The following TAOK3 variants were observed in gnomAD, a reference collection of about 807,000 sequenced individuals.
The protein encoded by TAOK3 is serine/threonine-protein kinase TAO3.
TAOK3 carries 40 observed loss-of-function variants against 120.4 expected under a neutral mutation model. That is an observed-to-expected ratio of 0.33 (90% CI 0.26 to 0.43). The LOEUF is 0.43. Ranked by LOEUF, TAOK3 falls within the 20% of genes least tolerant of loss-of-function variation. The probability of loss-of-function intolerance (pLI) is 1.00; values close to 1 mark genes in which losing one functional copy is unlikely to be tolerated. For missense variants in TAOK3, 821 were observed against 1,112.1 expected (o/e 0.74, Z 3.72); for synonymous variants, 355 against 387.5 (o/e 0.92, Z 0.99).
At chr12:118,274,099 G>A (rs1408017354) in intron 1 of TAOK3, among the ~76,000 whole-genome samples, 1 of 151,150 alleles carries the variant, frequency 6.6e-6, no homozygotes, top group Non-Finnish European at 1.5e-5. Flanking sequence ...CTTCCCATAA[G>A]ACTTGAAGAG....
intron 20 of TAOK3, 131 bp from the exon 21 acceptor site, chr12:118,151,289 GCACA>G (rs773751889): frequency 0.045 from 11,209 of 247,518 alleles, 161 homozygotes; most frequent in East Asian, 0.15. Flanking sequence ...GCGCGCGCGC[GCACA>G]CACACACACA....
At position 118,315,890 on chromosome 12, in the gene TAOK3, A is replaced by G. The variant is rs566450502; in HGVS notation, c.-193-49131T>C. On this transcript the variant is annotated intron_variant, in intron 1 of 20. Coordinates refer to ENST00000392533, the MANE Select transcript of TAOK3 (RefSeq NM_016281.4). ...GAAAATTGAAACAGATAGTAAATAA[A>G]GGAGACTGTGAATTTTGGATCAGAT... Among the ~76,000 whole-genome samples the G allele has an allele frequency of 7.9e-5, 12 of 152,332 alleles. No individual in the cohort carries two copies. The East Asian group carries it at 2.3e-3, about 29-fold the overall frequency.
At chr12:118,324,437 A>C (rs1227927594) in intron 1 of TAOK3, among the ~76,000 whole-genome samples, 1 of 152,112 alleles carries the variant, frequency 6.6e-6, no homozygotes, top group Non-Finnish European at 1.5e-5. Context: ...GTTATTGTTG[A>C]CTGGAATCAC....
At chr12:118,223,412 T>C (rs1436151628) in intron 9 of TAOK3, among the ~76,000 whole-genome samples, 2 of 151,514 alleles carry the variant, frequency 1.3e-5, no homozygotes, top group Admixed American at 1.3e-4. Context: ...AATGGCGTGA[T>C]CTTGGCTCGC....
chr12:118,243,377 A>T (rs1434255156), intron 5 of TAOK3, 38 bp downstream of exon 5: 2 of 1,118,160 alleles, frequency 1.8e-6, no homozygotes, highest in Non-Finnish European at 2.6e-6. Context: ...AAAGAAAAAA[A>T]TGTAATAGTA....
chr12:118,281,180 C>T (rs896690667), intron 1 of TAOK3, among the ~76,000 whole-genome samples: 2 of 152,260 alleles, frequency 1.3e-5, no homozygotes, highest in Middle Eastern at 6.8e-3. Flanking sequence ...ATTTGGATAC[C>T]TTTTATTTCT....
chr12:118,177,584 G>A (rs542182313), intron 15 of TAOK3, among the ~76,000 whole-genome samples: 7 of 152,072 alleles, frequency 4.6e-5, no homozygotes, highest in Admixed American at 3.3e-4. Context: ...AGCACTTTGG[G>A]AGTTCGAGGC....
chr12:118,150,962 T>A lies in TAOK3; in HGVS notation c.*35A>T. ...CTGAATTTTTTTCTGTTTTCTTTTT[T>A]TTTTTTTTTTTTGTAAATGGCAAAA... is the stretch of plus-strand genomic sequence containing the variant. On this transcript the variant is annotated 3_prime_UTR_variant, in exon 21 of 21. Coordinates refer to ENST00000392533, the MANE Select transcript of TAOK3 (RefSeq NM_016281.4). 1 of 1,515,838 alleles carries A rather than the reference T, an allele frequency of 6.6e-7. No homozygotes were observed. 93.9% of individuals were successfully genotyped at this position (1,515,838 alleles called of 1,614,324 possible). A position where few individuals can be genotyped will look rare whatever the true frequency, so the allele number is the denominator to read the frequency against.
chr12:118,361,942 T>A (rs770752659), intron 1 of TAOK3, among the ~76,000 whole-genome samples: 1 of 152,012 alleles, frequency 6.6e-6, no homozygotes, highest in South Asian at 2.1e-4. Context: ...AACATGCTGG[T>A]GAGGCTTCAG....
At chr12:118,265,451 C>A (rs927908331) in intron 2 of TAOK3, among the ~76,000 whole-genome samples, 4 of 145,310 alleles carry the variant, frequency 2.8e-5, no homozygotes, top group Admixed American at 2.1e-4. Flanking sequence ...CACACACACA[C>A]ATACACTTAC....
chr12:118,186,201 A>G (rs551353737), intron 14 of TAOK3, among the ~76,000 whole-genome samples: 1 of 152,258 alleles, frequency 6.6e-6, no homozygotes, highest in South Asian at 2.1e-4. Context: ...TTTCTCCTAC[A>G]TGCCTCCTTG....
intron 8 of TAOK3, 57 bp downstream of exon 8, chr12:118,235,501 A>C: frequency 1.5e-6 from 2 of 1,358,850 alleles, no homozygotes; most frequent in Non-Finnish European, 2.1e-6. Flanking sequence ...CCAGCACCAT[A>C]GTTGAGTTCA....
At chr12:118,316,054 G>C (rs980309147) in intron 1 of TAOK3, among the ~76,000 whole-genome samples, 1 of 152,156 alleles carries the variant, frequency 6.6e-6, no homozygotes, top group Non-Finnish European at 1.5e-5. Context: ...AATGTAATGA[G>C]ACATCATGCA....
At chr12:118,273,354 T>C (rs1231365317) in intron 1 of TAOK3, among the ~76,000 whole-genome samples, 1 of 151,634 alleles carries the variant, frequency 6.6e-6, no homozygotes, top group Non-Finnish European at 1.5e-5. Context: ...TACAAAAAAT[T>C]AGCCAGGTGT....
chr12:118,220,485 A>G (rs980653963), intron 9 of TAOK3, among the ~76,000 whole-genome samples: 4 of 152,022 alleles, frequency 2.6e-5, no homozygotes, highest in African/African-American at 9.7e-5. Context: ...ATACTATTTG[A>G]TGGCTTCATT....
At chr12:118,215,309 C>T (rs1424222669) in intron 9 of TAOK3, among the ~76,000 whole-genome samples, 3 of 125,786 alleles carry the variant, frequency 2.4e-5, no homozygotes, top group Non-Finnish European at 4.8e-5. Context: ...TCCTGGCTAA[C>T]ACGGTGAAAG....
At chr12:118,151,447 A>G (rs1333534890) in intron 20 of TAOK3, among the ~76,000 whole-genome samples, 2 of 152,188 alleles carry the variant, frequency 1.3e-5, no homozygotes, top group Non-Finnish European at 2.9e-5. Flanking sequence ...ATGCCGTTCT[A>G]GCAAGCCCAG....
At chr12:118,332,919 G>A (rs960673562) in intron 1 of TAOK3, among the ~76,000 whole-genome samples, 1 of 151,456 alleles carries the variant, frequency 6.6e-6, no homozygotes, top group African/African-American at 2.4e-5. Context: ...ATAAAAGAAC[G>A]AATCTACCAA....
chr12:118,371,864 G>A lies in TAOK3; in HGVS notation c.-194+784C>T, dbSNP rs1037895893. ...CTCTCGGAGTCCCACGCTCGCATGC[G>A]CTGTCCCGAGCCCTCTGGGGGTCCC... is the stretch of plus-strand genomic sequence containing the variant. On this transcript the variant is annotated intron_variant, in intron 1 of 20. Transcript: ENST00000392533. This position sits in a 1 kb window ranked among gnomAD's most constrained non-coding sequence, Gnocchi z 5.5. 2.0e-5 allele frequency among the ~76,000 whole-genome samples: 3 copies of A among 151,866 alleles called. No individual in the cohort carries two copies. The highest frequency in any genetic ancestry group is 4.4e-5 in the Non-Finnish European group (3 of 67,920).
Sources: gnomAD v4.1 joint callset for allele counts (sites outside exome capture counted in the v4.1 genomes callset) on GRCh38, gnomAD v4.1.1 for gene constraint, Gnocchi (gnomAD v3.1) non-coding constraint, MANE v1.5 for transcripts, NCBI Gene and HGNC (gene_info 2026-07-23, HGNC 2026-07-21) for gene names.